The following TRDN variants were observed in gnomAD, a reference collection of about 807,000 sequenced individuals.
TRDN encodes the protein triadin, also known as triadin in skeletal muscle.
Under a neutral mutation model 149.7 loss-of-function variants are expected in TRDN, and 161 were observed. The observed-to-expected ratio is 1.08, with a 90% CI of 0.95 to 1.23. The LOEUF (loss-of-function observed/expected upper bound fraction) is 1.23, where lower values mean the gene tolerates loss of function less well. Ranked by LOEUF, TRDN falls within the 50% of genes most tolerant of loss-of-function variation. The pLI is 0.00. For synonymous variants in TRDN, 294 were observed against 250.5 expected (o/e 1.17, Z -1.64); for missense variants, 896 against 823.5 (o/e 1.09, Z -1.08).
intron 1 of TRDN, among the ~76,000 whole-genome samples, chr6:123,583,726 T>A (rs1233288368): frequency 1.3e-5 from 2 of 152,124 alleles, no homozygotes; most frequent in East Asian, 3.9e-4. Context: ...AGGAAAGGAC[T>A]CTACCTATCC....
intron 4 of TRDN, among the ~76,000 whole-genome samples, chr6:123,544,826 T>C (rs1383702680): frequency 6.6e-6 from 1 of 151,980 alleles, no homozygotes; most frequent in African/African-American, 2.4e-5. Context: ...CCTGAAGCTA[T>C]ATTTATATAT....
chr6:123,538,648 A>G (rs962358966), intron 4 of TRDN, among the ~76,000 whole-genome samples: 1 of 152,160 alleles, frequency 6.6e-6, no homozygotes, highest in Non-Finnish European at 1.5e-5. Flanking sequence ...GAAGCCCATA[A>G]ATGTAAATTA....
chr6:123,600,947 G>A (rs1014214782), intron 1 of TRDN, among the ~76,000 whole-genome samples: 11 of 151,996 alleles, frequency 7.2e-5, no homozygotes, highest in Non-Finnish European at 1.5e-4. Context: ...TTATTTATAT[G>A]TACTTATCAG....
chr6:123,256,014 T>A, intron 35 of TRDN, 112 bp from the exon 36 acceptor site: 2 of 496,964 alleles, frequency 4.0e-6, no homozygotes, highest in Non-Finnish European at 6.0e-6. Context: ...TAGGTATACA[T>A]GTGTCATGGT....
chr6:123,330,197 A>G (rs1223039021), intron 23 of TRDN, among the ~76,000 whole-genome samples: 3 of 152,108 alleles, frequency 2.0e-5, no homozygotes, highest in Non-Finnish European at 2.9e-5. Flanking sequence ...TTTTAAAAAT[A>G]TTTCCACCTT....
intron 10 of TRDN, among the ~76,000 whole-genome samples, chr6:123,455,690 CTT>C (rs1776078702): frequency 1.3e-5 from 2 of 152,030 alleles, no homozygotes; most frequent in African/African-American, 2.4e-5. Context: ...CTAAAAAACT[CTT>C]TTAAATTTTT....
intron 24 of TRDN, among the ~76,000 whole-genome samples, chr6:123,285,299 G>C (rs1175096532): frequency 6.6e-6 from 1 of 152,010 alleles, no homozygotes; most frequent in Middle Eastern, 3.2e-3. Flanking sequence ...TATATTATAA[G>C]GCCACAGTCA....
Position 123,620,507 on chromosome 6 carries a change from G to C in TRDN, c.22+16247C>G, listed in dbSNP as rs536230928. Among the ~76,000 whole-genome samples, 354 of 152,232 alleles carry C rather than the reference G, an allele frequency of 2.3e-3. 2 individuals are homozygous for C. The highest frequency in any genetic ancestry group is 4.4e-3 in the Non-Finnish European group (297 of 68,020). ...ATCAAAAAACAGGAAAGAATGCCTAGTATACCCATGCTCTTCACAGAGTTT... is the reference window on the plus strand; with the variant it reads ...ATCAAAAAACAGGAAAGAATGCCTACTATACCCATGCTCTTCACAGAGTTT... On this transcript the variant is annotated intron_variant, in intron 1 of 40. Coordinates refer to ENST00000334268, the MANE Select transcript of TRDN (RefSeq NM_006073.4).
rs543005732 is a variant in TRDN at position 123,243,356 on chromosome 6, A to G, written c.1975+9056T>C. On this transcript the variant is annotated intron_variant, in intron 38 of 40. Transcript: ENST00000334268. The stretch of plus-strand genomic sequence containing the variant: ...ACACCAGATGCATAGATAGCAACAT[A>G]AGGATATGGAAAACAAAACAAGAAA... Among the ~76,000 whole-genome samples the G allele has an allele frequency of 9.8e-5, 15 of 152,312 alleles. No homozygotes were observed. The South Asian group carries it at 3.1e-3, about 32-fold the overall frequency.
rs77106814 is a variant in TRDN at position 123,294,561 on chromosome 6, C to T, written c.1511-15479G>A. Among the ~76,000 whole-genome samples, 692 of 152,246 alleles carry T rather than the reference C, an allele frequency of 4.5e-3. 6 individuals are homozygous for T. Among genetic ancestry groups the T allele is most frequent in the African/African-American group, 0.016 (645 of 41,538 alleles). On this transcript the variant is annotated intron_variant, in intron 24 of 40. Coordinates refer to ENST00000334268, the MANE Select transcript of TRDN (RefSeq NM_006073.4). ...TTAGATTCTCATAATGAGCATGCAA[C>T]GTAGATCCCTTGCACACGCAGTTAA...
intron 2 of TRDN, among the ~76,000 whole-genome samples, chr6:123,551,330 C>T (rs1781376714): frequency 7.6e-6 from 1 of 132,266 alleles, no homozygotes; most frequent in South Asian, 2.4e-4. Flanking sequence ...ACCACTTCTT[C>T]CAAAACCTAA....
intron 10 of TRDN, among the ~76,000 whole-genome samples, chr6:123,451,990 C>T (rs1032471156): frequency 4.6e-5 from 7 of 151,722 alleles, no homozygotes; most frequent in African/African-American, 7.3e-5. Context: ...GAATTAAAAA[C>T]GAAAATCATA....
chr6:123,511,499 TA>T (rs1779181448), intron 7 of TRDN, among the ~76,000 whole-genome samples: 1 of 152,160 alleles, frequency 6.6e-6, no homozygotes, highest in South Asian at 2.1e-4. Flanking sequence ...AATAATTTTT[TA>T]AAAAGAAAAT....
At chr6:123,516,044 G>A in intron 6 of TRDN, 97 bp downstream of exon 6, 1 of 1,198,486 alleles carries the variant, frequency 8.3e-7, no homozygotes, top group Non-Finnish European at 1.1e-6. Context: ...AATCTAATTT[G>A]TAAAACTGCG....
At chr6:123,590,716 C>A (rs533782741) in intron 1 of TRDN, among the ~76,000 whole-genome samples, 75 of 152,166 alleles carry the variant, frequency 4.9e-4, no homozygotes, top group Non-Finnish European at 9.4e-4. Context: ...GAGCCAAGAC[C>A]GTGCCCATTC....
chr6:123,258,726 T>C (rs1456249808), intron 35 of TRDN, among the ~76,000 whole-genome samples: 1 of 152,172 alleles, frequency 6.6e-6, no homozygotes, highest in African/African-American at 2.4e-5. Context: ...AGCTCCTCTT[T>C]GTACCTCTGG....
intron 12 of TRDN, among the ~76,000 whole-genome samples, chr6:123,430,197 G>A (rs1279809508): frequency 1.3e-5 from 2 of 151,846 alleles, no homozygotes; most frequent in African/African-American, 2.4e-5. Flanking sequence ...TTGATCCCAG[G>A]AGGTTGAGGC....
At chr6:123,609,064 T>A (rs1236108138) in intron 1 of TRDN, among the ~76,000 whole-genome samples, 1 of 151,920 alleles carries the variant, frequency 6.6e-6, no homozygotes, top group African/African-American at 2.4e-5. Flanking sequence ...TCCCAGCTAC[T>A]TGAGAGTCTG....
In TRDN at chr6:123,574,879, TATATATATATATATAC is replaced by T. The variant is rs1303344780; in HGVS notation, c.23-3763_23-3748del. Among the ~76,000 whole-genome samples, 59 of 127,912 alleles carry T rather than the reference TATATATATATATATAC, an allele frequency of 4.6e-4. 1 individual carries two copies. Among genetic ancestry groups the T allele is most frequent in the African/African-American group, 1.6e-3 (49 of 30,240 alleles). 83.9% of individuals were successfully genotyped at this position (127,912 alleles called of 152,430 possible). A position where few individuals can be genotyped will look rare whatever the true frequency, so the allele number is the denominator to read the frequency against. The stretch of plus-strand genomic sequence containing the variant: ...ATACATATATATATATATATATATA[TATATATATATATATAC>T]ACACATTTTCCTTTCTTTGATCAAA... On this transcript the variant is annotated intron_variant, in intron 1 of 40. Coordinates refer to ENST00000334268, the MANE Select transcript of TRDN (RefSeq NM_006073.4).
Sources: gnomAD v4.1 joint callset for allele counts (sites outside exome capture counted in the v4.1 genomes callset) on GRCh38, gnomAD v4.1.1 for gene constraint, MANE v1.5 for transcripts, NCBI Gene and HGNC (gene_info 2026-07-23, HGNC 2026-07-21) for gene names.